The following C12orf56 variants were observed in gnomAD, a reference collection of about 807,000 sequenced individuals.
C12orf56 encodes the protein uncharacterized protein C12orf56.
C12orf56 carries 71 observed loss-of-function variants against 69.9 expected under a neutral mutation model. The observed-to-expected ratio is 1.02, with a 90% CI of 0.84 to 1.24. The LOEUF is 1.24. Ranked by LOEUF, C12orf56 falls within the 50% of genes most tolerant of loss-of-function variation. C12orf56 has a pLI of 0.00. For synonymous variants in C12orf56, 276 were observed against 274.1 expected (o/e 1.01, Z -0.07); for missense variants, 732 against 738.5 (o/e 0.99, Z 0.10).
chr12:64,275,054 A>T, intron 10 of C12orf56, 79 bp from the exon 11 acceptor site: 1 of 1,285,044 alleles, frequency 7.8e-7, no homozygotes, highest in South Asian at 1.3e-5. Flanking sequence ...TCTTAAATAC[A>T]TTTTTATCCT....
intron 1 of C12orf56, among the ~76,000 whole-genome samples, chr12:64,361,369 C>T (rs1208231986): frequency 6.6e-6 from 1 of 152,142 alleles, no homozygotes; most frequent in East Asian, 1.9e-4. Flanking sequence ...TGCTGGGCCA[C>T]ATTCCCAGGA....
intron 12 of C12orf56, among the ~76,000 whole-genome samples, chr12:64,268,385 T>C (rs1024564104): frequency 6.6e-6 from 1 of 152,148 alleles, no homozygotes; most frequent in African/African-American, 2.4e-5. Flanking sequence ...TTTTAAAAAT[T>C]GAGTTGTATG....
intron 1 of C12orf56, among the ~76,000 whole-genome samples, chr12:64,360,011 A>T (rs1276245376): frequency 1.3e-5 from 2 of 151,734 alleles, no homozygotes; most frequent in Non-Finnish European, 2.9e-5. Flanking sequence ...CACTGCGTCC[A>T]GCGAAAAGAA....
intron 6 of C12orf56, among the ~76,000 whole-genome samples, chr12:64,297,835 G>T (rs1007341101): frequency 6.6e-6 from 1 of 152,094 alleles, no homozygotes; most frequent in Non-Finnish European, 1.5e-5. Flanking sequence ...GAATAGTGCT[G>T]CAATAAACAT....
intron 1 of C12orf56, among the ~76,000 whole-genome samples, chr12:64,372,126 T>C (rs2039580585): frequency 6.6e-6 from 1 of 152,112 alleles, no homozygotes; most frequent in African/African-American, 2.4e-5. Flanking sequence ...TAAGCATTTT[T>C]TGTACATTTA....
intron 4 of C12orf56, among the ~76,000 whole-genome samples, chr12:64,317,152 G>A (rs1195711914): frequency 6.6e-6 from 1 of 151,914 alleles, no homozygotes; most frequent in Non-Finnish European, 1.5e-5. Flanking sequence ...AATTTAGAAA[G>A]GAATTTTAAA....
At chr12:64,307,523 C>A (rs1346030528) in intron 5 of C12orf56, among the ~76,000 whole-genome samples, 2 of 152,016 alleles carry the variant, frequency 1.3e-5, no homozygotes, top group African/African-American at 2.4e-5. Context: ...GCACACACCA[C>A]CATGCCTGTC....
At chr12:64,319,707 A>G (rs991153653) in intron 3 of C12orf56, among the ~76,000 whole-genome samples, 2 of 152,224 alleles carry the variant, frequency 1.3e-5, no homozygotes, top group African/African-American at 4.8e-5. Context: ...CCAACCAATC[A>G]GTAGTAAAGA....
chr12:64,352,980 G>A lies in C12orf56; in HGVS notation c.329C>T (p.Thr110Ile). 6.2e-7 allele frequency: 1 copy of A among 1,612,254 alleles called. No individual in the cohort carries two copies. Among genetic ancestry groups the A allele is most frequent in the Non-Finnish European group, 8.5e-7 (1 of 1,179,376 alleles). Residue 110 changes from threonine to isoleucine, a missense_variant, in exon 2 of 13, where the codon ACC becomes ATC. Transcript: ENST00000543942. Reference sequence around the variant, plus strand: ...CTTTTTACACTCTTTTTTCAAAACGGTTGAAGAATAGATGATACGAATGTG... The same window carrying A: ...CTTTTTACACTCTTTTTTCAAAACGATTGAAGAATAGATGATACGAATGTG... ...SQHIRIIYSS[T>I]VLKKECKKSN...
intron 7 of C12orf56, among the ~76,000 whole-genome samples, chr12:64,285,042 G>A (rs2038181247): frequency 6.6e-6 from 1 of 152,118 alleles, no homozygotes; most frequent in Non-Finnish European, 1.5e-5. Context: ...CCTGAGCCCA[G>A]GAGTTTGAGA....
chr12:64,308,964 A>AAAGG (rs2038568384), intron 5 of C12orf56, among the ~76,000 whole-genome samples: 1 of 121,596 alleles, frequency 8.2e-6, no homozygotes, highest in East Asian at 2.3e-4. Flanking sequence ...AGAAAGAAAG[A>AAAGG]AAGAAAGAAA....
chr12:64,379,633 A>T (rs528394750), intron 1 of C12orf56, among the ~76,000 whole-genome samples: 1 of 152,162 alleles, frequency 6.6e-6, no homozygotes, highest in African/African-American at 2.4e-5. Context: ...ATTTAGAAAA[A>T]GACAAATTGA....
At chr12:64,363,493 C>G (rs757136213) in intron 1 of C12orf56, among the ~76,000 whole-genome samples, 38 of 152,112 alleles carry the variant, frequency 2.5e-4, no homozygotes, top group Non-Finnish European at 4.7e-4. Context: ...ATATTCTACT[C>G]CATAAAAGTG....
At chr12:64,384,413 C>T (rs1043166594) in intron 1 of C12orf56, among the ~76,000 whole-genome samples, 5 of 152,072 alleles carry the variant, frequency 3.3e-5, no homozygotes, top group Non-Finnish European at 7.4e-5. Flanking sequence ...ATGTATTATT[C>T]TTTTTTAGAC....
chr12:64,367,053 T>C (rs1288762917), intron 1 of C12orf56, among the ~76,000 whole-genome samples: 103 of 3,206 alleles, frequency 0.032, 4 homozygotes, highest in African/African-American at 0.096. Flanking sequence ...ACACTTTATA[T>C]ATTATATATA....
At chr12:64,350,482 C>T (rs1438095258) in intron 2 of C12orf56, among the ~76,000 whole-genome samples, 2 of 152,234 alleles carry the variant, frequency 1.3e-5, no homozygotes, top group African/African-American at 4.8e-5. Flanking sequence ...AAGGCTTTGA[C>T]TGGAAGAGTA....
At chr12:64,286,585 A>C (rs1167350351) in intron 6 of C12orf56, among the ~76,000 whole-genome samples, 1 of 152,254 alleles carries the variant, frequency 6.6e-6, no homozygotes, top group Non-Finnish European at 1.5e-5. Flanking sequence ...CATTTCTGTC[A>C]AAATAAACAC....
At chr12:64,281,103 G>A (rs1190501652) in intron 8 of C12orf56, among the ~76,000 whole-genome samples, 5 of 151,530 alleles carry the variant, frequency 3.3e-5, no homozygotes, top group East Asian at 3.9e-4. Context: ...GTGAAACCCC[G>A]TCTCTACTAA....
At chr12:64,325,885 A>G (rs184096977) in intron 3 of C12orf56, among the ~76,000 whole-genome samples, 1 of 152,242 alleles carries the variant, frequency 6.6e-6, no homozygotes. Context: ...TTGCTGCCCC[A>G]AAGATCTTTT....
Sources: allele counts gnomAD v4.1 joint callset (sites outside exome capture counted in the v4.1 genomes callset), GRCh38; gene constraint gnomAD v4.1.1; transcripts MANE v1.5; gene names NCBI Gene and HGNC (gene_info 2026-07-23, HGNC 2026-07-21).